SLC16A7: variants seen among roughly 807,000 people sequenced by gnomAD.
The protein encoded by SLC16A7 is solute carrier family 16 member 7.
A neutral mutation model predicts 34.9 loss-of-function variants in SLC16A7; 33 were observed. That is an observed-to-expected ratio of 0.94 (90% confidence interval 0.72 to 1.26). SLC16A7 has a LOEUF of 1.26. SLC16A7 is among the 50% of genes most tolerant of loss of function. The pLI is 0.00. For synonymous variants in SLC16A7, 201 were observed against 206.6 expected, an observed-to-expected ratio of 0.97 and a Z score of 0.23; for missense variants, 573 against 578.1, an observed-to-expected ratio of 0.99 and a Z score of 0.09.
chr12:59,768,057 C>T (rs1305507222), intron 3 of SLC16A7: 8 of 415,904 alleles, frequency 1.9e-5, no homozygotes, highest in East Asian at 7.1e-5. Context: ...CAAACCTGCA[C>T]GTTGTGCACA....
At chr12:59,765,252 G>C (rs1007058968) in intron 3 of SLC16A7, among the ~76,000 whole-genome samples, 1 of 152,048 alleles carries the variant, frequency 6.6e-6, no homozygotes, top group African/African-American at 2.4e-5. Context: ...AGATGAGTAG[G>C]TTGCAAAAAT....
intron 3 of SLC16A7, among the ~76,000 whole-genome samples, chr12:59,709,687 C>A (rs1369825362): frequency 6.6e-6 from 1 of 151,580 alleles, no homozygotes; most frequent in Non-Finnish European, 1.5e-5. Flanking sequence ...CAGCCCTGTG[C>A]AAGTAGGCTG....
rs968926097 is a variant in SLC16A7, at chr12:59,706,832, T to C, written c.217+1814T>C. ...GTGAATTAATATAAGTCCATTGAAT[T>C]TGAACTTCAGGTCTTACATAGTCAT... On this transcript the variant is annotated intron_variant, in intron 3 of 5. Coordinates refer to ENST00000547379, the MANE Select transcript of SLC16A7 (RefSeq NM_001270623.2). 9.3e-4 allele frequency among the ~76,000 whole-genome samples: 141 copies of C among 152,124 alleles called. 1 individual carries two copies. The highest frequency in any genetic ancestry group is 3.1e-3 in the African/African-American group (130 of 41,432).
At position 59,775,174 on chromosome 12, in the gene SLC16A7, TA is replaced by T. The variant is rs1215887070; in HGVS notation, c.880del (p.Met294CysfsTer7). The part of the protein sequence containing the change: ...FLLSVMAFVD[M>X]FARPSVGLIA... ...TGCTATCTGTTATGGCTTTCGTTGA[TA>T]TGTTTGCTAGGCCTTCTGTAGGATT... On this transcript the variant is annotated frameshift_variant, in exon 5 of 6. Coordinates refer to ENST00000547379, the MANE Select transcript of SLC16A7 (RefSeq NM_001270623.2). LOFTEE classifies it high-confidence loss of function. 1 of 1,614,148 alleles carries T rather than the reference TA, an allele frequency of 6.2e-7. No individual in the cohort carries two copies. The highest frequency in any genetic ancestry group is 8.5e-7 in the Non-Finnish European group (1 of 1,180,012).
chr12:59,784,455 AG>A lies in SLC16A7; in HGVS notation c.*4777del, dbSNP rs1396774465. 1 of 152,296 alleles carries A rather than the reference AG, an allele frequency of 6.6e-6. No homozygotes were observed. The highest frequency in any genetic ancestry group is 2.4e-5 in the African/African-American group (1 of 41,566). 9.4% of individuals were successfully genotyped at this position (152,296 alleles called of 1,614,324 possible). On this transcript the variant is annotated 3_prime_UTR_variant, in exon 6 of 6. Coordinates refer to ENST00000547379, the MANE Select transcript of SLC16A7 (RefSeq NM_001270623.2). ...TTATTCCATTTATAATATTATCCGTAGCTACCAAAAAAAAGATTATAAGATA... is the reference window on the plus strand; with the variant it reads ...TTATTCCATTTATAATATTATCCGTACTACCAAAAAAAAGATTATAAGATA...
In SLC16A7 at chr12:59,779,920, G is replaced by A. The variant is rs2137483760; in HGVS notation, c.*241G>A. On this transcript the variant is annotated 3_prime_UTR_variant, in exon 6 of 6. Transcript: ENST00000547379. ...ATGCTATAGGTTTATTTCCATACCT[G>A]ACTCTGGGTGTGGTGGTTAAAATAC... 2.7e-6 allele frequency: 1 copy of A among 366,814 alleles called. No individual in the cohort carries two copies. The highest frequency in any genetic ancestry group is 5.2e-5 in the East Asian group (1 of 19,386). 22.7% of individuals were successfully genotyped at this position (366,814 alleles called of 1,614,324 possible). A position where few individuals can be genotyped will look rare whatever the true frequency, so the allele number is the denominator to read the frequency against.
intron 2 of SLC16A7, among the ~76,000 whole-genome samples, chr12:59,659,630 A>G (rs1265475838): frequency 6.6e-6 from 1 of 152,086 alleles, no homozygotes; most frequent in Non-Finnish European, 1.5e-5. Flanking sequence ...TAATTCTTAA[A>G]ATTGATGCTG....
chr12:59,739,755 A>G (rs12306274), intron 3 of SLC16A7, among the ~76,000 whole-genome samples: 2,582 of 152,218 alleles, frequency 0.017, 57 homozygotes, highest in African/African-American at 0.057. Flanking sequence ...GTGAGATGGT[A>G]TCTCATTGTG....
intron 1 of SLC16A7, among the ~76,000 whole-genome samples, chr12:59,601,025 T>C (rs1878657783): frequency 6.6e-6 from 1 of 152,236 alleles, no homozygotes; most frequent in Admixed American, 6.5e-5. Flanking sequence ...GCCTGGTGAT[T>C]AGTTTTATGT....
At chr12:59,617,758 C>A (rs1007674788) in intron 1 of SLC16A7, among the ~76,000 whole-genome samples, 1 of 151,890 alleles carries the variant, frequency 6.6e-6, no homozygotes, top group African/African-American at 2.4e-5. Context: ...CTGGCCTAAT[C>A]GACTCAAATA....
chr12:59,659,193 A>C (rs1868696736), intron 2 of SLC16A7, among the ~76,000 whole-genome samples: 2 of 152,008 alleles, frequency 1.3e-5, no homozygotes, highest in African/African-American at 4.8e-5. Flanking sequence ...TTCTGGTTTT[A>C]AAATGCATGT....
chr12:59,720,180 C>T, intron 3 of SLC16A7: 1 of 667,646 alleles, frequency 1.5e-6, no homozygotes, highest in Non-Finnish European at 2.7e-6. Flanking sequence ...TAAATTTGTT[C>T]CAGTTTGGAA....
At position 59,675,274 on chromosome 12, in the gene SLC16A7, T is replaced by G. The variant is rs181802121; in HGVS notation, c.-31+20024T>G. 3.9e-5 allele frequency among the ~76,000 whole-genome samples: 6 copies of G among 152,362 alleles called. No individual in the cohort carries two copies. In the East Asian group the frequency reaches 1.2e-3, roughly 29 times the overall value. ...TTGTGTACCCCCAAAATACCCAGTG[T>G]GATGGAATTTGGAGATGGTGCCTTT... On this transcript the variant is annotated intron_variant, in intron 2 of 5. Coordinates refer to ENST00000547379, the MANE Select transcript of SLC16A7 (RefSeq NM_001270623.2).
At chr12:59,662,139 G>A (rs1868886830) in intron 2 of SLC16A7, among the ~76,000 whole-genome samples, 2 of 151,952 alleles carry the variant, frequency 1.3e-5, no homozygotes, top group South Asian at 4.2e-4. Flanking sequence ...ATATATATCT[G>A]AGCCTTCTGT....
rs201769973 is a variant in SLC16A7, at chr12:59,727,171, A to T, written c.217+22153A>T. ...ATGGACATATATATATATATATATA[A>T]TATATATATGTTGTATTTAGAAGGA... is the stretch of plus-strand genomic sequence containing the variant. On this transcript the variant is annotated intron_variant, in intron 3 of 5. Transcript: ENST00000547379. 9.9e-5 allele frequency among the ~76,000 whole-genome samples: 11 copies of T among 111,564 alleles called. No individual in the cohort carries two copies. The East Asian group carries it at 1.3e-3, about 13-fold the overall frequency. The allele number at this position is 111,564 out of a possible 152,430, so 73.2% of individuals were successfully genotyped here.
intron 4 of SLC16A7, 89 bp downstream of exon 4, chr12:59,771,451 T>C: frequency 1.1e-6 from 1 of 941,954 alleles, no homozygotes; most frequent in Non-Finnish European, 1.5e-6. Context: ...ATTCTTATTT[T>C]CTTTGAATTT....
intron 1 of SLC16A7, among the ~76,000 whole-genome samples, chr12:59,627,464 C>T (rs1879980110): frequency 6.6e-6 from 1 of 151,776 alleles, no homozygotes; most frequent in African/African-American, 2.4e-5. Context: ...TAGTCTTTTC[C>T]TGTCTGCTAT....
At chr12:59,734,007 T>C (rs1877284622) in intron 3 of SLC16A7, 1 of 348,314 alleles carries the variant, frequency 2.9e-6, no homozygotes, top group Admixed American at 3.7e-5. Context: ...CAGCCATGGG[T>C]GGGCCTGGAA....
At chr12:59,672,240 G>A (rs1042894363) in intron 2 of SLC16A7, among the ~76,000 whole-genome samples, 2 of 109,002 alleles carry the variant, frequency 1.8e-5, no homozygotes, top group Admixed American at 9.3e-5. Context: ...GCATATATAC[G>A]TATATATATG....
Sources: gnomAD v4.1 joint callset for allele counts (sites outside exome capture counted in the v4.1 genomes callset) on GRCh38, gnomAD v4.1.1 for gene constraint, MANE v1.5 for transcripts, NCBI Gene and HGNC (gene_info 2026-07-23, HGNC 2026-07-21) for gene names.